The following HIVEP1 variants were observed in gnomAD, a reference collection of about 807,000 sequenced individuals.
HIVEP1 encodes the protein HIVEP zinc finger 1, also known as zinc finger protein 40.
Under a neutral mutation model 180.0 loss-of-function variants are expected in HIVEP1, and 36 were observed. That is an observed-to-expected ratio of 0.20 (90% CI 0.15 to 0.26). HIVEP1 has a LOEUF of 0.26. HIVEP1 is among the 10% of genes least tolerant of loss of function. The probability of loss-of-function intolerance (pLI) is 1.00; values close to 1 mark genes in which losing one functional copy is unlikely to be tolerated. For missense variants in HIVEP1, 3,143 were observed against 3,268.7 expected, an observed-to-expected ratio of 0.96 and a Z score of 0.94; for synonymous variants, 1,239 against 1,239.0, an observed-to-expected ratio of 1.00 and a Z score of 0.00.
chr6:12,011,792 C>G (rs1055738670), upstream of HIVEP1, among the ~76,000 whole-genome samples: 221 of 147,856 alleles, frequency 1.5e-3, no homozygotes, highest in African/African-American at 5.2e-3. Flanking sequence ...GCGGCCGCGC[C>G]GGCCCAGCTG....
intron 2 of HIVEP1, among the ~76,000 whole-genome samples, chr6:12,083,537 T>C (rs1772925967): frequency 6.6e-6 from 1 of 152,104 alleles, no homozygotes; most frequent in Non-Finnish European, 1.5e-5. Context: ...GGACCGCTGC[T>C]GCTCTAGGGT....
chr6:12,123,092 C>G lies in HIVEP1; in HGVS notation c.3297C>G (p.Gly1099=). Reference sequence around the variant, plus strand: ...CCCATATTCACCTTGTTGCCAGGGGCCCTGAGCAGACCATGGATCCCAAGC... The same window carrying G: ...CCCATATTCACCTTGTTGCCAGGGGGCCTGAGCAGACCATGGATCCCAAGC... ...QNSHIHLVAR[G]PEQTMDPKLS... is the part of the protein sequence containing the mutation. Residue 1099 remains glycine (G), a synonymous_variant, in exon 4 of 9, where the codon GGC becomes GGG. Transcript: ENST00000379388. 2.5e-6 allele frequency: 4 copies of G among 1,614,082 alleles called. No homozygotes were observed. Among genetic ancestry groups the G allele is most frequent in the Non-Finnish European group, 3.4e-6 (4 of 1,179,996 alleles).
chr6:12,043,366 T>A (rs1674780175), intron 2 of HIVEP1, among the ~76,000 whole-genome samples: 1 of 147,178 alleles, frequency 6.8e-6, no homozygotes, highest in South Asian at 2.2e-4. Flanking sequence ...TTTTTTTTTT[T>A]TTTTTTTTTT....
chr6:12,109,761 A>G (rs1774764885), intron 3 of HIVEP1, among the ~76,000 whole-genome samples: 1 of 152,008 alleles, frequency 6.6e-6, no homozygotes, highest in Non-Finnish European at 1.5e-5. Context: ...TGCCATTTTG[A>G]CCTCCTCTCA....
intron 3 of HIVEP1, among the ~76,000 whole-genome samples, chr6:12,106,777 T>G (rs909396016): frequency 4.6e-5 from 7 of 152,236 alleles, no homozygotes; most frequent in African/African-American, 1.7e-4. Context: ...AGGAATCCTC[T>G]TATTATCCCA....
At chr6:12,163,231 C>A in intron 8 of HIVEP1, 52 bp from the exon 9 acceptor site, 1 of 1,310,830 alleles carries the variant, frequency 7.6e-7, no homozygotes, top group Non-Finnish European at 1.1e-6. Flanking sequence ...CTTTATATCT[C>A]AGTGATTACA....
At chr6:12,135,672 T>C (rs1483167383) in intron 6 of HIVEP1, 119 bp from the exon 7 acceptor site, 27 of 641,334 alleles carry the variant, frequency 4.2e-5, no homozygotes, top group Non-Finnish European at 7.0e-5. Context: ...TTTTAGTCAT[T>C]GGAGTTGTAC....
At chr6:12,182,168 T>C in the HIVEP1 span, among the ~76,000 whole-genome samples, 1 of 152,176 alleles carries the variant, frequency 6.6e-6, no homozygotes, top group African/African-American at 2.4e-5. Context: ...GGAAAAGAAT[T>C]GAAGATGCCA....
In HIVEP1 at chr6:12,079,074, C is replaced by T. The variant is rs570762582; in HGVS notation, c.41-10110C>T. Among the ~76,000 whole-genome samples, 21 of 152,236 alleles carry T rather than the reference C, an allele frequency of 1.4e-4. 1 individual carries two copies. The South Asian group carries it at 4.4e-3, about 32-fold the overall frequency. On this transcript the variant is annotated intron_variant, in intron 2 of 8. Transcript: ENST00000379388. ...CCCACCATGGTTACGATGACTACCT[C>T]CTTCCATTCGCTACATCAGAAATCA...
intron 7 of HIVEP1, among the ~76,000 whole-genome samples, chr6:12,140,739 T>G (rs773068858): frequency 1.3e-5 from 2 of 152,200 alleles, no homozygotes; most frequent in African/African-American, 2.4e-5. Context: ...CTTCAATAGC[T>G]GATTTGATCA....
At chr6:12,108,115 A>T (rs545557492) in intron 3 of HIVEP1, among the ~76,000 whole-genome samples, 3 of 152,128 alleles carry the variant, frequency 2.0e-5, no homozygotes, top group African/African-American at 4.8e-5. Flanking sequence ...CCTGAGCTAG[A>T]CATAAAGTTT....
intron 7 of HIVEP1, 30 bp downstream of exon 7, chr6:12,135,922 T>TA: frequency 7.0e-7 from 1 of 1,427,578 alleles, no homozygotes; most frequent in Non-Finnish European, 9.8e-7. Context: ...TTTTCATAAA[T>TA]GCTATTTATA....
At chr6:12,077,132 A>T (rs1772417754) in intron 2 of HIVEP1, among the ~76,000 whole-genome samples, 1 of 152,172 alleles carries the variant, frequency 6.6e-6, no homozygotes, top group African/African-American at 2.4e-5. Context: ...AACCCGAGTC[A>T]TATGCAGTGA....
chr6:12,029,337 G>A (rs150216834), intron 2 of HIVEP1, among the ~76,000 whole-genome samples: 2 of 152,298 alleles, frequency 1.3e-5, no homozygotes, highest in African/African-American at 4.8e-5. Context: ...ACTGTTGCAG[G>A]TGTGTCTTTT....
chr6:12,107,408 G>A (rs1304415786), intron 3 of HIVEP1, among the ~76,000 whole-genome samples: 1 of 152,194 alleles, frequency 6.6e-6, no homozygotes, highest in Admixed American at 6.5e-5. Context: ...GTCTTGCCTC[G>A]ATGCAGATTG....
chr6:12,125,191 T>C lies in HIVEP1; in HGVS notation c.5396T>C (p.Val1799Ala). The change falls in exon 4 of 9, where the codon GTG (valine) becomes GCG (alanine). Residue 1799 changes from valine (V) to alanine (A), a missense_variant. Physicochemically the swap from Val to Ala is moderately conservative, Grantham distance 64. This residue lies in a region of HIVEP1 where 1,357 missense variants were observed against 1,260.5 expected (regional missense o/e 1.08). Transcript: ENST00000379388. Reference protein sequence around the residue: ...EASKQKKPILVRQVCTTEPLD... With the variant: ...EASKQKKPILARQVCTTEPLD... The stretch of plus-strand genomic sequence containing the variant: ...AGTAAACAGAAGAAGCCTATTTTAG[T>C]GAGACAGGTTTGTACTACAGAGCCC... The C allele has an allele frequency of 6.2e-7, 1 of 1,614,124 alleles. No homozygotes were observed. The highest frequency in any genetic ancestry group is 1.6e-4 in the Middle Eastern group (1 of 6,062).
chr6:12,017,589 TC>T (rs1322024952), intron 2 of HIVEP1, among the ~76,000 whole-genome samples: 5 of 152,202 alleles, frequency 3.3e-5, no homozygotes, highest in Non-Finnish European at 4.4e-5. Context: ...CCCACCCACA[TC>T]CTGCTGATTG....
At chr6:12,041,850 G>A (rs1021939841) in intron 2 of HIVEP1, among the ~76,000 whole-genome samples, 5 of 118,238 alleles carry the variant, frequency 4.2e-5, no homozygotes, top group Non-Finnish European at 8.9e-5. Context: ...TAGTAGAAAC[G>A]GGTTTTCACC....
chr6:12,077,560 A>AG (rs1772450802), intron 2 of HIVEP1, among the ~76,000 whole-genome samples: 1 of 152,202 alleles, frequency 6.6e-6, no homozygotes, highest in South Asian at 2.1e-4. Flanking sequence ...GAAACTTACA[A>AG]GGGGAAGATG....
Sources: allele counts gnomAD v4.1 joint callset (sites outside exome capture counted in the v4.1 genomes callset), GRCh38; gene constraint gnomAD v4.1.1; regional missense constraint gnomAD v4.1.1; transcripts MANE v1.5; gene names NCBI Gene and HGNC (gene_info 2026-07-23, HGNC 2026-07-21).